The following PRKCH variants were observed in gnomAD, a reference collection of about 807,000 sequenced individuals.
The protein encoded by PRKCH is protein kinase C eta type.
A neutral mutation model predicts 82.5 loss-of-function variants in PRKCH; 28 were observed. That is an observed-to-expected ratio of 0.34 (90% CI 0.25 to 0.47). The LOEUF (loss-of-function observed/expected upper bound fraction) is 0.47, where lower values mean the gene tolerates loss of function less well. Ranked by LOEUF, PRKCH falls within the 20% of genes least tolerant of loss-of-function variation. The probability of loss-of-function intolerance (pLI) is 1.00; values close to 1 mark genes in which losing one functional copy is unlikely to be tolerated. For missense variants in PRKCH, 705 were observed against 881.8 expected (o/e 0.80, Z 2.54); for synonymous variants, 322 against 327.4 (o/e 0.98, Z 0.18).
chr14:61,488,169 A>G (rs1227739620), intron 10 of PRKCH, among the ~76,000 whole-genome samples: 1 of 152,070 alleles, frequency 6.6e-6, no homozygotes, highest in Non-Finnish European at 1.5e-5. Context: ...AAAAAAAGAA[A>G]AAAATTCGGC....
At chr14:61,249,222 A>G (rs899259459) in intron 1 of PRKCH, among the ~76,000 whole-genome samples, 1 of 152,104 alleles carries the variant, frequency 6.6e-6, no homozygotes, top group Non-Finnish European at 1.5e-5. Context: ...ACCTATCCCC[A>G]CTTAGGTCTC....
chr14:61,472,006 A>C (rs564744582), intron 9 of PRKCH, among the ~76,000 whole-genome samples: 1 of 152,190 alleles, frequency 6.6e-6, no homozygotes, highest in African/African-American at 2.4e-5. Flanking sequence ...TAGAAAGGCA[A>C]AGTTCCTGTT....
At chr14:61,356,724 C>T (rs2046155516) in intron 1 of PRKCH, among the ~76,000 whole-genome samples, 1 of 152,166 alleles carries the variant, frequency 6.6e-6, no homozygotes, top group Non-Finnish European at 1.5e-5. Flanking sequence ...TTCTGTCACC[C>T]AGGCTGGAGT....
At chr14:61,438,561 A>C (rs1309830190) in intron 2 of PRKCH, among the ~76,000 whole-genome samples, 1 of 152,228 alleles carries the variant, frequency 6.6e-6, no homozygotes, top group Non-Finnish European at 1.5e-5. Flanking sequence ...ATTCGAGCAG[A>C]TAGAACAAAA....
chr14:61,188,347 A>T (rs577410249), intron 1 of PRKCH, among the ~76,000 whole-genome samples: 52 of 152,256 alleles, frequency 3.4e-4, no homozygotes, highest in African/African-American at 1.2e-3. Context: ...ATGCAGGCTC[A>T]GCTTCTGCCC....
At chr14:61,316,168 G>C (rs907850658) in intron 1 of PRKCH, among the ~76,000 whole-genome samples, 3 of 151,994 alleles carry the variant, frequency 2.0e-5, no homozygotes, top group African/African-American at 7.2e-5. Context: ...TGGTTCTTTA[G>C]GCATAGAACT....
Position 61,548,819 on chromosome 14 carries a change from C to T in PRKCH, c.1906-866C>T, listed in dbSNP as rs1416074445. ...TGGAGATTGCAGTGAGCCGAGATTG[C>T]GTCATGCGCTCCAGCCTGGGCAACT... is the stretch of plus-strand genomic sequence containing the variant. On this transcript the variant is annotated intron_variant, in intron 13 of 13. Transcript: ENST00000332981. 5.6e-5 allele frequency among the ~76,000 whole-genome samples: 8 copies of T among 143,910 alleles called. No individual in the cohort carries two copies. The East Asian group carries it at 1.0e-3, about 18-fold the overall frequency. The allele number at this position is 143,910 out of a possible 152,430, so 94.4% of individuals were successfully genotyped here.
At chr14:61,245,650 G>GCACCTTTACAGTGGT (rs1555371122) in intron 1 of PRKCH, among the ~76,000 whole-genome samples, 1 of 151,198 alleles carries the variant, frequency 6.6e-6, no homozygotes, top group Admixed American at 6.6e-5. Context: ...AGCCGGTGGG[G>GCACCTTTACAGTGGT]CAGCCTTACA....
intron 1 of PRKCH, among the ~76,000 whole-genome samples, chr14:61,256,169 C>A (rs1446798922): frequency 6.6e-6 from 1 of 152,178 alleles, no homozygotes; most frequent in African/African-American, 2.4e-5. Flanking sequence ...TGCATACCAA[C>A]CAGAATTTCT....
At chr14:61,347,239 T>A (rs188018548) in intron 1 of PRKCH, among the ~76,000 whole-genome samples, 54 of 152,370 alleles carry the variant, frequency 3.5e-4, no homozygotes, top group African/African-American at 1.0e-3. Flanking sequence ...ATTACTTTTT[T>A]AAAATGCAAT....
intron 9 of PRKCH, among the ~76,000 whole-genome samples, chr14:61,478,084 A>G (rs1476425984): frequency 1.3e-5 from 2 of 152,240 alleles, no homozygotes; most frequent in South Asian, 2.1e-4. Flanking sequence ...GCAGACGGCC[A>G]TGGCGGCTGA....
chr14:61,251,429 C>T (rs1157823974), intron 1 of PRKCH, among the ~76,000 whole-genome samples: 2 of 152,130 alleles, frequency 1.3e-5, no homozygotes, highest in Non-Finnish European at 2.9e-5. Context: ...CTTTAGCTCC[C>T]ACAAATAAGT....
intron 1 of PRKCH, among the ~76,000 whole-genome samples, chr14:61,288,480 CAT>C (rs1248903471): frequency 2.6e-5 from 4 of 152,178 alleles, no homozygotes; most frequent in Admixed American, 2.6e-4. Flanking sequence ...GAACCTATGT[CAT>C]GTGTGCTGAT....
chr14:61,477,841 C>T (rs900232036), intron 9 of PRKCH, among the ~76,000 whole-genome samples: 12 of 152,210 alleles, frequency 7.9e-5, no homozygotes, highest in Non-Finnish European at 1.3e-4. Context: ...CCACCTCCTT[C>T]GACCCTCTAT....
chr14:61,327,237 A>G (rs1342103849), intron 1 of PRKCH: 2 of 365,362 alleles, frequency 5.5e-6, no homozygotes, highest in Non-Finnish European at 1.1e-5. Flanking sequence ...CTACTGGACA[A>G]TCATGGATTA....
intron 10 of PRKCH, among the ~76,000 whole-genome samples, chr14:61,492,747 G>C (rs1403676565): frequency 1.3e-5 from 2 of 152,208 alleles, no homozygotes; most frequent in Non-Finnish European, 2.9e-5. Flanking sequence ...GGCGCTTTCT[G>C]TGGGGTGAGA....
chr14:61,540,042 T>A (rs541627166), intron 12 of PRKCH, among the ~76,000 whole-genome samples: 48 of 152,378 alleles, frequency 3.2e-4, no homozygotes, highest in African/African-American at 1.1e-3. Flanking sequence ...GGCCGACAGC[T>A]CTTTGAGTAT....
intron 10 of PRKCH, among the ~76,000 whole-genome samples, chr14:61,527,467 C>T (rs995774308): frequency 3.3e-5 from 5 of 152,146 alleles, no homozygotes; most frequent in Admixed American, 6.5e-5. Flanking sequence ...TTGCTTTCAC[C>T]GAAGCCCTGC....
Position 61,285,745 on chromosome 14 carries a change from C to T in PRKCH, c.-19+98077C>T, listed in dbSNP as rs149792423. Among the ~76,000 whole-genome samples the T allele has an allele frequency of 1.2e-4, 18 of 152,324 alleles. No individual in the cohort carries two copies. The East Asian group carries it at 3.1e-3, about 26-fold the overall frequency. ...GTGCAATGGAGGCTGCCTGAGTTCT[C>T]ATAGTTGTAATGGGGAGATGAGGGA... is the stretch of plus-strand genomic sequence containing the variant. On this transcript the variant is annotated intron_variant, in intron 1 of 3. Coordinates refer to the PRKCH transcript ENST00000555185.
Sources: gnomAD v4.1 joint callset for allele counts (sites outside exome capture counted in the v4.1 genomes callset) on GRCh38, gnomAD v4.1.1 for gene constraint, MANE v1.5 for transcripts, NCBI Gene and HGNC (gene_info 2026-07-23, HGNC 2026-07-21) for gene names.